Variants in ZFP2 observed in about 807,000 individuals in gnomAD.
ZFP2 encodes ZFP2 zinc finger protein, also known as zinc finger protein ZFP2.
ZFP2 carries 33 observed loss-of-function variants against 36.1 expected under a neutral mutation model. The observed-to-expected ratio is 0.92, with a 90% CI of 0.69 to 1.22. The LOEUF (loss-of-function observed/expected upper bound fraction) is 1.22. Among genes scored for constraint, ZFP2 ranks in the 50% most tolerant of loss-of-function variants. The probability of loss-of-function intolerance (pLI) is 0.00; values close to 1 mark genes in which losing one functional copy is unlikely to be tolerated. For synonymous variants in ZFP2, 170 were observed against 178.0 expected (o/e 0.96, Z 0.36); for missense variants, 522 against 551.4 (o/e 0.95, Z 0.53).
intron 1 of ZFP2, among the ~76,000 whole-genome samples, chr5:178,896,524 C>T (rs923591319): frequency 7.2e-5 from 11 of 152,186 alleles, no homozygotes; most frequent in African/African-American, 7.2e-5. Flanking sequence ...GATCTCATTC[C>T]GAGAGCGCTG....
chr5:178,930,314 C>CTTTTTT (rs990713790), intron 4 of ZFP2, among the ~76,000 whole-genome samples: 97 of 71,370 alleles, frequency 1.4e-3, no homozygotes, highest in Non-Finnish European at 1.6e-3. Flanking sequence ...TTTCCCTTTC[C>CTTTTTT]TTTTTTTTTT....
chr5:178,902,061 G>T (rs1195193617), intron 1 of ZFP2, among the ~76,000 whole-genome samples: 1 of 152,210 alleles, frequency 6.6e-6, no homozygotes, highest in Non-Finnish European at 1.5e-5. Flanking sequence ...TTGGAACCCA[G>T]GAGGCGGAAG....
intron 4 of ZFP2, chr5:178,922,277 T>C: frequency 1.0e-6 from 1 of 977,142 alleles, no homozygotes; most frequent in East Asian, 2.4e-5. Flanking sequence ...TAAAATAAGT[T>C]CATTATCATA....
Position 178,927,806 on chromosome 5 carries a change from G to A in ZFP2, c.-77-3431G>A, listed in dbSNP as rs575373703. ...CCCACCTCAGCCTCCCAAAGCGCTGGGATTACAGCCGTGAGCCACCAAGCC... is the reference window on the plus strand; with the variant it reads ...CCCACCTCAGCCTCCCAAAGCGCTGAGATTACAGCCGTGAGCCACCAAGCC... On this transcript the variant is annotated intron_variant, in intron 4 of 4. Coordinates refer to ENST00000361362, the MANE Select transcript of ZFP2 (RefSeq NM_030613.4). Among the ~76,000 whole-genome samples, 23 of 151,546 alleles carry A rather than the reference G, an allele frequency of 1.5e-4. No individual in the cohort carries two copies. In the East Asian group the frequency reaches 4.3e-3, roughly 28 times the overall value.
chr5:178,921,356 A>T (rs1482200420), intron 4 of ZFP2, among the ~76,000 whole-genome samples: 1 of 152,056 alleles, frequency 6.6e-6, no homozygotes, highest in African/African-American at 2.4e-5. Flanking sequence ...TGTGACTTCC[A>T]GTGACCATCC....
Position 178,912,664 on chromosome 5 carries a change from G to T in ZFP2, c.-369G>T. On this transcript the variant is annotated 5_prime_UTR_variant, in exon 2 of 5. Transcript: ENST00000361362. ...GGATTCAAGCAGATTCTGCTCAGAG[G>T]ATGACCGTGTATGGGGAGGTGATGC... The T allele has an allele frequency of 9.4e-7, 1 of 1,062,018 alleles. No homozygotes were observed. 65.8% of individuals were successfully genotyped at this position (1,062,018 alleles called of 1,614,324 possible).
intron 4 of ZFP2, among the ~76,000 whole-genome samples, chr5:178,924,362 G>T (rs1262262553): frequency 1.3e-4 from 13 of 96,482 alleles, no homozygotes; most frequent in Non-Finnish European, 2.3e-4. Context: ...GACAGAGAGA[G>T]ACTCTGTCTC....
At chr5:178,910,380 T>G (rs781629766) in intron 1 of ZFP2, 1 of 987,504 alleles carries the variant, frequency 1.0e-6, no homozygotes. Context: ...GGCACTGGAG[T>G]TGGACTCCCT....
At chr5:178,901,378 A>G (rs148374621) in intron 1 of ZFP2, among the ~76,000 whole-genome samples, 1 of 152,288 alleles carries the variant, frequency 6.6e-6, no homozygotes, top group African/African-American at 2.4e-5. Context: ...AACAATAGAA[A>G]TTTATTGTCT....
chr5:178,922,541 A>G, intron 4 of ZFP2: 1 of 1,426,166 alleles, frequency 7.0e-7, no homozygotes, highest in South Asian at 1.1e-5. Flanking sequence ...GATCACTGCA[A>G]TGTCTAGTTT....
chr5:178,904,340 G>C (rs1163733910), intron 1 of ZFP2, among the ~76,000 whole-genome samples: 1 of 152,144 alleles, frequency 6.6e-6, no homozygotes, highest in Non-Finnish European at 1.5e-5. Flanking sequence ...GTTGAGGATA[G>C]TGTTAGGTGC....
intron 4 of ZFP2, among the ~76,000 whole-genome samples, chr5:178,919,206 C>T (rs1036010008): frequency 6.6e-6 from 1 of 152,144 alleles, no homozygotes; most frequent in African/African-American, 2.4e-5. Flanking sequence ...CAGTTGAATA[C>T]TTCTGAACCA....
At chr5:178,917,195 A>G (rs1245460867) in intron 4 of ZFP2, among the ~76,000 whole-genome samples, 3 of 152,244 alleles carry the variant, frequency 2.0e-5, no homozygotes, top group Non-Finnish European at 4.4e-5. Context: ...AAGAACATGA[A>G]TAAAGTACTA....
At chr5:178,917,948 T>G (rs966003600) in intron 4 of ZFP2, among the ~76,000 whole-genome samples, 1 of 152,270 alleles carries the variant, frequency 6.6e-6, no homozygotes, top group African/African-American at 2.4e-5. Flanking sequence ...TTCCCTTAGA[T>G]AGTCCTATGA....
At chr5:178,899,185 T>C (rs1757996647) in intron 1 of ZFP2, among the ~76,000 whole-genome samples, 2 of 152,170 alleles carry the variant, frequency 1.3e-5, no homozygotes, top group South Asian at 4.1e-4. Flanking sequence ...AGCTCTACCA[T>C]TTAATAGCTA....
chr5:178,921,890 C>A (rs959357864), intron 4 of ZFP2, among the ~76,000 whole-genome samples: 2 of 149,370 alleles, frequency 1.3e-5, no homozygotes, highest in Non-Finnish European at 3.0e-5. Flanking sequence ...GTGGAATAGG[C>A]CTACTCCACC....
chr5:178,923,164 A>G (rs1758596198), intron 4 of ZFP2, among the ~76,000 whole-genome samples: 1 of 149,358 alleles, frequency 6.7e-6, no homozygotes. Flanking sequence ...TTGCCATTTT[A>G]GCCATTTTTA....
At position 178,932,028 on chromosome 5, in the gene ZFP2, G is replaced by GA. The variant is rs1758859153; in HGVS notation, c.720dup (p.Pro241ThrfsTer3). On this transcript the variant is annotated frameshift_variant, in exon 5 of 5. Transcript: ENST00000361362. LOFTEE classifies it high-confidence loss of function. ...AGTTCATCAGAGAACTCATACAGGA[G>GA]AAAAACCCTATGAATGTAATGAATG... 1.2e-6 allele frequency: 2 copies of GA among 1,613,914 alleles called. No individual in the cohort carries two copies. Among genetic ancestry groups the GA allele is most frequent in the Admixed American group, 1.7e-5 (1 of 59,970 alleles).
chr5:178,902,840 T>C (rs1347107237), intron 1 of ZFP2, among the ~76,000 whole-genome samples: 1 of 152,206 alleles, frequency 6.6e-6, no homozygotes, highest in African/African-American at 2.4e-5. Flanking sequence ...ACAGATAATA[T>C]TTACTCAGGA....
Sources: allele counts gnomAD v4.1 joint callset (sites outside exome capture counted in the v4.1 genomes callset), GRCh38; gene constraint gnomAD v4.1.1; transcripts MANE v1.5; gene names NCBI Gene and HGNC (gene_info 2026-07-23, HGNC 2026-07-21).